L3MBTL1: variants seen among roughly 807,000 people sequenced by gnomAD.
L3MBTL1 encodes lethal(3)malignant brain tumor-like protein 1.
A neutral mutation model predicts 105.3 loss-of-function variants in L3MBTL1; 75 were observed. That is an observed-to-expected ratio of 0.71 (90% CI 0.59 to 0.86). The LOEUF is 0.86. Ranked by LOEUF, L3MBTL1 falls within the 40% of genes least tolerant of loss-of-function variation. The pLI, the probability that L3MBTL1 is intolerant of heterozygous loss-of-function variation, is 0.00. For missense variants in L3MBTL1, 1,069 were observed against 1,126.4 expected (o/e 0.95, Z 0.73); for synonymous variants, 452 against 436.2 (o/e 1.04, Z -0.45).
In L3MBTL1 at chr20:43,540,778, C is replaced by T. The variant is rs377597708; in HGVS notation, c.2357C>T (p.Thr786Ile). ...GTCTTCGGCTTTGTTCAGACCCTGACAGGTTGTGAGGACCAAGCACGCCTC... is the reference window on the plus strand; with the variant it reads ...GTCTTCGGCTTTGTTCAGACCCTGATAGGTTGTGAGGACCAAGCACGCCTC... ...DEVFGFVQTLTGCEDQARLFK... is the reference protein window; with the variant it reads ...DEVFGFVQTLIGCEDQARLFK... Residue 786 changes from threonine to isoleucine, a missense_variant, in exon 21 of 22, where the codon ACA (threonine) becomes ATA (isoleucine). Coordinates refer to ENST00000418998, the MANE Select transcript of L3MBTL1 (RefSeq NM_001377303.1). 1.9e-6 allele frequency: 3 copies of T among 1,614,232 alleles called. No individual in the cohort carries two copies. The highest frequency in any genetic ancestry group is 2.5e-6 in the Non-Finnish European group (3 of 1,180,044).
intron 7 of L3MBTL1, among the ~76,000 whole-genome samples, chr20:43,517,016 C>T (rs957450956): frequency 6.6e-6 from 1 of 151,742 alleles, no homozygotes; most frequent in Admixed American, 6.6e-5. Flanking sequence ...AGGCTGGTCT[C>T]GAACTCCTGG....
intron 8 of L3MBTL1, 52 bp from the exon 9 acceptor site, chr20:43,529,212 C>A: frequency 7.0e-7 from 1 of 1,425,302 alleles, no homozygotes; most frequent in South Asian, 1.2e-5. Context: ...GCCCACTAGG[C>A]AAGGATAAGG....
At chr20:43,510,423 G>C (rs909239684) in intron 1 of L3MBTL1, among the ~76,000 whole-genome samples, 1 of 47,416 alleles carries the variant, frequency 2.1e-5, no homozygotes, top group African/African-American at 7.2e-5. Context: ...TTTTTTTTTT[G>C]AGGTGGAGTC....
At position 43,507,705 on chromosome 20, in the gene L3MBTL1, C is replaced by T. The variant is rs998747892; in HGVS notation, c.-68C>T. ...GCAGGCGCGCGGCGCCCGGCTCGGA[C>T]CGTAGCTAGGCGCTGGGCGGCCACC... is the stretch of plus-strand genomic sequence containing the variant. On this transcript the variant is annotated 5_prime_UTR_variant, in exon 1 of 22. Transcript: ENST00000418998. 1 of 152,116 alleles carries T rather than the reference C, an allele frequency of 6.6e-6. No homozygotes were observed. The highest frequency in any genetic ancestry group is 2.1e-4 in the South Asian group (1 of 4,830). The allele number at this position is 152,116 out of a possible 1,614,324, so 9.4% of individuals were successfully genotyped here.
chr20:43,521,578 A>T (rs2018705412), intron 7 of L3MBTL1, among the ~76,000 whole-genome samples: 1 of 152,180 alleles, frequency 6.6e-6, no homozygotes, highest in Non-Finnish European at 1.5e-5. Context: ...GAAGAATAAG[A>T]ATAGGTCATT....
chr20:43,545,254 A>G (rs1347610544), downstream of L3MBTL1, among the ~76,000 whole-genome samples: 1 of 151,832 alleles, frequency 6.6e-6, no homozygotes, highest in Non-Finnish European at 1.5e-5. Flanking sequence ...GGTCCCAGCT[A>G]CTCAGGAGGC....
At chr20:43,540,076 G>A (rs768851456) in intron 19 of L3MBTL1, 75 bp from the exon 20 acceptor site, 2 of 1,563,564 alleles carry the variant, frequency 1.3e-6, no homozygotes, top group Non-Finnish European at 8.7e-7. Context: ...CTCCTGAGTG[G>A]TGTGGGTATG....
Position 43,516,219 on chromosome 20 carries a change from A to G in L3MBTL1, c.862+42A>G, listed in dbSNP as rs768284004. 20 of 1,474,500 alleles carry G rather than the reference A, an allele frequency of 1.4e-5. No homozygotes were observed. In the Middle Eastern group the frequency reaches 5.2e-4, roughly 38 times the overall value. The allele number at this position is 1,474,500 out of a possible 1,614,324, so 91.3% of individuals were successfully genotyped here. The stretch of plus-strand genomic sequence containing the variant: ...GTATATATATTCGTGTGAGGTGTGT[A>G]TATACCTTTGGAGGTGTGAGGCTGA... On this transcript the variant is annotated intron_variant, in intron 7 of 21. Coordinates refer to ENST00000418998, the MANE Select transcript of L3MBTL1 (RefSeq NM_001377303.1).
At chr20:43,514,151 G>A in intron 3 of L3MBTL1, 90 bp downstream of exon 3, 3 of 1,155,466 alleles carry the variant, frequency 2.6e-6, no homozygotes, top group Non-Finnish European at 3.7e-6. Context: ...AGACGGAAGT[G>A]GGGGAAGCTG....
At chr20:43,534,762 G>C in intron 15 of L3MBTL1, 66 bp from the exon 16 acceptor site, 1 of 1,159,152 alleles carries the variant, frequency 8.6e-7, no homozygotes, top group Non-Finnish European at 1.3e-6. Flanking sequence ...GGGATGGGGA[G>C]AGGACCTTCT....
intron 2 of L3MBTL1, 80 bp downstream of exon 2, chr20:43,513,719 G>T (rs772422715): frequency 9.8e-5 from 151 of 1,545,234 alleles, no homozygotes; most frequent in Non-Finnish European, 1.3e-4. Flanking sequence ...CTGGAGAGGG[G>T]ATGACCGTTT....
Position 43,541,325 on chromosome 20 carries a change from C to A in L3MBTL1, c.*197C>A. 1 of 1,041,842 alleles carries A rather than the reference C, an allele frequency of 9.6e-7. No homozygotes were observed. The highest frequency in any genetic ancestry group is 1.3e-6 in the Non-Finnish European group (1 of 749,712). The allele number at this position is 1,041,842 out of a possible 1,614,324, so 64.5% of individuals were successfully genotyped here. ...TAAATCCCAGTTCTGTCAATTTGAG[C>A]TGTTTACTGTCTCTGAGCCTACATC... is the stretch of plus-strand genomic sequence containing the variant. On this transcript the variant is annotated 3_prime_UTR_variant, in exon 22 of 22. Coordinates refer to ENST00000418998, the MANE Select transcript of L3MBTL1 (RefSeq NM_001377303.1).
intron 7 of L3MBTL1, among the ~76,000 whole-genome samples, chr20:43,522,669 G>A (rs1374897696): frequency 1.3e-5 from 2 of 150,610 alleles, no homozygotes; most frequent in East Asian, 2.0e-4. Context: ...ACAGGGTTCC[G>A]CCATGTTGCC....
chr20:43,532,623 G>A, intron 11 of L3MBTL1, 150 bp from the exon 12 acceptor site: 1 of 799,494 alleles, frequency 1.3e-6, no homozygotes, highest in South Asian at 1.8e-5. Context: ...CTGCCCTGGA[G>A]GGCCCTCTTT....
intron 9 of L3MBTL1, among the ~76,000 whole-genome samples, chr20:43,529,576 T>A (rs1025598624): frequency 2.0e-5 from 3 of 152,194 alleles, no homozygotes; most frequent in Non-Finnish European, 4.4e-5. Flanking sequence ...ATGTATACTG[T>A]CCACTCTGGG....
chr20:43,520,231 A>G (rs1450593432), intron 7 of L3MBTL1, among the ~76,000 whole-genome samples: 2 of 152,174 alleles, frequency 1.3e-5, no homozygotes, highest in East Asian at 3.8e-4. Context: ...TTTAGGCTGT[A>G]TGTGCTTCTT....
Position 43,530,801 on chromosome 20 carries a change from A to G in L3MBTL1, c.1196A>G (p.Tyr399Cys), listed in dbSNP as rs763999516. The G allele has an allele frequency of 6.2e-7, 1 of 1,613,974 alleles. No individual in the cohort carries two copies. The highest frequency in any genetic ancestry group is 2.2e-5 in the East Asian group (1 of 44,866). The part of the protein sequence containing the change: ...TGHKLQPPKG[Y>C]KEEEFSWSQY... ...TCATGCCCCTCGAGGGGCCTAGGTT[A>G]CAAGGAGGAGGAGTTCAGCTGGAGC... Residue 399 changes from tyrosine to cysteine, a missense_variant, in exon 11 of 22, where the codon TAC (tyrosine) becomes TGC (cysteine). Physicochemically the swap from Tyr to Cys is radical, Grantham distance 194. Transcript: ENST00000418998.
intron 18 of L3MBTL1, among the ~76,000 whole-genome samples, chr20:43,547,254 G>A (rs533382450): frequency 5.9e-5 from 9 of 151,908 alleles, no homozygotes; most frequent in Non-Finnish European, 7.4e-5. Context: ...GCAGGCGCCC[G>A]CCACCACGCC....
chr20:43,538,007 G>A (rs1426953791), intron 19 of L3MBTL1, among the ~76,000 whole-genome samples: 1 of 152,162 alleles, frequency 6.6e-6, no homozygotes, highest in Non-Finnish European at 1.5e-5. Context: ...GATGTTCCAT[G>A]TGAGGTGCTT....
Sources: allele counts gnomAD v4.1 joint callset (sites outside exome capture counted in the v4.1 genomes callset), GRCh38; gene constraint gnomAD v4.1.1; transcripts MANE v1.5; gene names NCBI Gene and HGNC (gene_info 2026-07-23, HGNC 2026-07-21).